The following EPG5 variants were observed in gnomAD, a reference collection of about 807,000 sequenced individuals.
EPG5 encodes ectopic P granules protein 5 homolog.
In EPG5, 159 loss-of-function variants were observed where a neutral mutation model predicts 302.7. The observed-to-expected ratio is 0.53, with a 90% CI of 0.46 to 0.60. The LOEUF is 0.60. Ranked by LOEUF, EPG5 falls within the 20% of genes least tolerant of loss-of-function variation. The pLI is 0.00. For missense variants in EPG5, 2,896 were observed against 3,092.4 expected (o/e 0.94, Z 1.51); for synonymous variants, 1,158 against 1,136.8 (o/e 1.02, Z -0.37).
intron 42 of EPG5, among the ~76,000 whole-genome samples, chr18:45,856,482 TACA>T (rs1208399087): frequency 2.0e-5 from 3 of 152,326 alleles, no homozygotes; most frequent in African/African-American, 7.2e-5. Flanking sequence ...TGGTGATGGC[TACA>T]ACAACATTGT....
chr18:45,952,274 G>A, intron 3 of EPG5, 126 bp downstream of exon 3: 2 of 1,179,760 alleles, frequency 1.7e-6, no homozygotes, highest in Non-Finnish European at 2.4e-6. Context: ...GGGGAGGCCT[G>A]GTAAAACTGC....
At chr18:45,807,000 G>A in the EPG5 span, among the ~76,000 whole-genome samples, 1 of 152,158 alleles carries the variant, frequency 6.6e-6, no homozygotes, top group Non-Finnish European at 1.5e-5. Flanking sequence ...CCCATTGCCT[G>A]GAAACAGACT....
chr18:45,910,536 T>G lies in EPG5; in HGVS notation c.4190A>C (p.His1397Pro), dbSNP rs200759465. The G allele has an allele frequency of 6.2e-7, 1 of 1,610,174 alleles. No individual in the cohort carries two copies. Residue 1397 changes from histidine (H) to proline (P), a missense_variant, in exon 23 of 44, where the codon CAC becomes CCC. His to Pro is a moderately conservative substitution (Grantham distance 77, BLOSUM62 -2). Transcript: ENST00000282041. Reference sequence around the variant, plus strand: ...CCATACTCACCTCACCAGCTCCTTGTGCAGTTCTGGTGAAGTCAGGTAACC... The same window carrying G: ...CCATACTCACCTCACCAGCTCCTTGGGCAGTTCTGGTGAAGTCAGGTAACC... The part of the protein sequence containing the change: ...TPGYLTSPEL[H>P]KELVRLFNVY...
chr18:45,939,458 C>T (rs957914242), intron 10 of EPG5, 142 bp downstream of exon 10: 41 of 728,028 alleles, frequency 5.6e-5, no homozygotes, highest in Non-Finnish European at 8.7e-5. Context: ...GAAACCAAGG[C>T]CCAAGAATTT....
rs1439453028 is a variant in EPG5 at position 45,850,119 on chromosome 18, T to C, written c.*2348A>G. ...CCCAGGAAGCTGTTAGACATCTTTA[T>C]TTGGTCCCGATGCCACTGTTGGCCA... On this transcript the variant is annotated 3_prime_UTR_variant, in exon 44 of 44. Transcript: ENST00000282041. 2 of 152,332 alleles carry C rather than the reference T, an allele frequency of 1.3e-5. No individual in the cohort carries two copies. Among genetic ancestry groups the C allele is most frequent in the Non-Finnish European group, 2.9e-5 (2 of 68,146 alleles). The allele number at this position is 152,332 out of a possible 1,614,324, so 9.4% of individuals were successfully genotyped here.
the EPG5 span, among the ~76,000 whole-genome samples, chr18:45,815,450 A>G: frequency 6.6e-6 from 1 of 152,202 alleles, no homozygotes; most frequent in Admixed American, 6.5e-5. Flanking sequence ...GTTTCCAGAT[A>G]CAAAATTAAT....
At chr18:45,967,148 A>G (rs1255957679) in intron 1 of EPG5, 29 bp downstream of exon 1, 2 of 1,448,338 alleles carry the variant, frequency 1.4e-6, no homozygotes, top group Admixed American at 2.4e-5. Context: ...ACACTGCCAG[A>G]GCCTCGGGAG....
chr18:45,862,121 T>C (rs538039505), intron 39 of EPG5, among the ~76,000 whole-genome samples: 62 of 152,348 alleles, frequency 4.1e-4, no homozygotes, highest in Admixed American at 1.6e-3. Context: ...GATGATGTAA[T>C]GGCTTTGGAA....
the EPG5 span, chr18:45,839,062 G>A: frequency 2.7e-6 from 4 of 1,483,336 alleles, no homozygotes; most frequent in Non-Finnish European, 1.8e-6. Context: ...GCTGCTCGGG[G>A]TCCTGGCCGC....
chr18:45,948,283 A>G lies in EPG5; in HGVS notation c.1571+220T>C, dbSNP rs72918376. Among the ~76,000 whole-genome samples the G allele has an allele frequency of 0.091, 13,931 of 152,290 alleles. 685 individuals are homozygous for G. The highest frequency in any genetic ancestry group is 0.13 in the African/African-American group (5,569 of 41,556). ...CCTTTCACAATAGTATATATGACCC[A>G]CTAAAAGGGGGAACCCATAAAAATG... On this transcript the variant is annotated intron_variant, in intron 6 of 43. Coordinates refer to ENST00000282041, the MANE Select transcript of EPG5 (RefSeq NM_020964.3).
At chr18:45,951,075 C>G in intron 4 of EPG5, 27 bp downstream of exon 4, 1 of 1,483,370 alleles carries the variant, frequency 6.7e-7, no homozygotes. Flanking sequence ...AAAACAAAGA[C>G]TACTGTGTCT....
rs980153357 is a variant in EPG5, at chr18:45,955,757, G to A, written c.64-419C>T. Among the ~76,000 whole-genome samples, 7 of 152,080 alleles carry A rather than the reference G, an allele frequency of 4.6e-5. No individual in the cohort carries two copies. In the East Asian group the frequency reaches 7.7e-4, roughly 17 times the overall value. Reference sequence around the variant, plus strand: ...ACTCAAAACTCAGGGAGAAAAGGACGGAACAACTTGAGCAACATAACAATT... The same window carrying A: ...ACTCAAAACTCAGGGAGAAAAGGACAGAACAACTTGAGCAACATAACAATT... On this transcript the variant is annotated intron_variant, in intron 1 of 43. Transcript: ENST00000282041.
At chr18:45,816,599 A>G in the EPG5 span, among the ~76,000 whole-genome samples, 209 of 152,318 alleles carry the variant, frequency 1.4e-3, 1 homozygote, top group African/African-American at 4.6e-3. Flanking sequence ...ATAATGCAGG[A>G]ATGGCCATAA....
chr18:45,825,709 G>A, the EPG5 span: 2 of 1,614,126 alleles, frequency 1.2e-6, no homozygotes, highest in South Asian at 1.1e-5. Flanking sequence ...TCTGGCCTGG[G>A]GTGTTCAGAT....
the EPG5 span, among the ~76,000 whole-genome samples, chr18:45,831,743 C>CTTTT: frequency 6.8e-5 from 10 of 146,820 alleles, no homozygotes; most frequent in African/African-American, 1.5e-4. Context: ...GTACCAACAT[C>CTTTT]TTTTTTTTTT....
chr18:45,923,190 A>G (rs574594394), intron 15 of EPG5, 78 bp downstream of exon 15: 4 of 1,496,342 alleles, frequency 2.7e-6, no homozygotes, highest in East Asian at 2.3e-5. Flanking sequence ...GGTCAATAGT[A>G]TAAGTCTATC....
intron 38 of EPG5, 64 bp downstream of exon 38, chr18:45,866,734 A>C (rs1194892246): frequency 6.5e-5 from 84 of 1,282,760 alleles, no homozygotes; most frequent in Non-Finnish European, 9.1e-5. Flanking sequence ...TGTCCTTTGT[A>C]GCACTTATGC....
rs1367930412 is a variant in EPG5 at position 45,879,272 on chromosome 18, A to G, written c.5668-58T>C. On this transcript the variant is annotated intron_variant, in intron 32 of 43. Transcript: ENST00000282041. ...TAAATATGTATTTTAGTAAAGTGTT[A>G]TGATACACTGTGATGGGGGTGTATA... 6 of 1,280,280 alleles carry G rather than the reference A, an allele frequency of 4.7e-6. No individual in the cohort carries two copies. The East Asian group carries it at 1.4e-4, about 30-fold the overall frequency. The allele number at this position is 1,280,280 out of a possible 1,614,324, so 79.3% of individuals were successfully genotyped here. A position where few individuals can be genotyped will look rare whatever the true frequency, so the allele number is the denominator to read the frequency against.
Position 45,857,905 on chromosome 18 carries a change from A to G in EPG5, c.7390T>C (p.Ser2464Pro). The change falls in exon 42 of 44, where the codon TCT (serine) becomes CCT (proline). Residue 2464 changes from serine (S) to proline (P), a missense_variant. This residue lies in a region of EPG5 where 620 missense variants were observed against 704.2 expected (regional missense o/e 0.88). Coordinates refer to ENST00000282041, the MANE Select transcript of EPG5 (RefSeq NM_020964.3). ...QNLVAEERLS[S>P]GILGAIGFGR... ...AACCCAATTGCCCCCAGGATCCCAG[A>G]GCTGAGTCTCTCCTCAGCCACGAGG... 1.2e-6 allele frequency: 2 copies of G among 1,612,606 alleles called. No individual in the cohort carries two copies. Among genetic ancestry groups the G allele is most frequent in the African/African-American group, 1.3e-5 (1 of 74,984 alleles).
Sources: gnomAD v4.1 joint callset for allele counts (sites outside exome capture counted in the v4.1 genomes callset) on GRCh38, gnomAD v4.1.1 for gene constraint, gnomAD v4.1.1 regional missense constraint, MANE v1.5 for transcripts, NCBI Gene and HGNC (gene_info 2026-07-23, HGNC 2026-07-21) for gene names.